Variants in RGS21 observed in about 807,000 individuals in gnomAD.
The protein encoded by RGS21 is regulator of G protein signaling 21, also known as regulator of G-protein signalling 21.
A neutral mutation model predicts 18.7 loss-of-function variants in RGS21; 19 were observed. That is an observed-to-expected ratio of 1.01 (90% CI 0.71 to 1.49). The LOEUF is 1.49. Ranked by LOEUF, RGS21 falls within the 40% of genes most tolerant of loss-of-function variation. The pLI is 0.00. For missense variants in RGS21, 194 were observed against 176.8 expected (o/e 1.10, Z -0.55); for synonymous variants, 56 against 57.8 (o/e 0.97, Z 0.14).
chr1:192,330,753 G>A (rs1206751196), intron 1 of RGS21, among the ~76,000 whole-genome samples: 1 of 152,230 alleles, frequency 6.6e-6, no homozygotes, highest in African/African-American at 2.4e-5. Context: ...ATATCTAAAT[G>A]AGACCTGACA....
chr1:192,332,935 A>G (rs1367292830), intron 1 of RGS21, among the ~76,000 whole-genome samples: 1 of 152,064 alleles, frequency 6.6e-6, no homozygotes, highest in East Asian at 1.9e-4. Flanking sequence ...AAAAGTCTCA[A>G]AAAAATTTTT....
rs1045740719 is a variant in RGS21, at chr1:192,352,290, C to T, written c.255+77C>T. ...CCCAATTAGAAGACCTTAAATCCAT[C>T]TAAAAGATAATCAAATTCTCAGTAT... On this transcript the variant is annotated intron_variant, in intron 4 of 4. Transcript: ENST00000417209. 4.0e-6 allele frequency: 4 copies of T among 1,002,860 alleles called. No homozygotes were observed. In the South Asian group the frequency reaches 9.8e-5, roughly 25 times the overall value. 62.1% of individuals were successfully genotyped at this position (1,002,860 alleles called of 1,614,324 possible).
At chr1:192,331,534 A>C (rs1193970056) in intron 1 of RGS21, among the ~76,000 whole-genome samples, 1 of 145,750 alleles carries the variant, frequency 6.9e-6, no homozygotes, top group African/African-American at 2.6e-5. Flanking sequence ...TGACAGAGCA[A>C]GACTCCGTCT....
intron 1 of RGS21, among the ~76,000 whole-genome samples, chr1:192,330,699 A>G (rs1210140697): frequency 6.6e-6 from 1 of 152,216 alleles, no homozygotes; most frequent in Non-Finnish European, 1.5e-5. Flanking sequence ...GCATGGACAA[A>G]CGGAATGTTG....
At chr1:192,318,433 T>C (rs927567901) in intron 1 of RGS21, among the ~76,000 whole-genome samples, 2 of 152,112 alleles carry the variant, frequency 1.3e-5, no homozygotes, top group Admixed American at 6.6e-5. Context: ...TCCTTGGGGC[T>C]AGACTCTATC....
At chr1:192,321,904 A>G (rs1013290897) in intron 1 of RGS21, among the ~76,000 whole-genome samples, 2 of 152,094 alleles carry the variant, frequency 1.3e-5, no homozygotes, top group Non-Finnish European at 2.9e-5. Flanking sequence ...AAAAACACAA[A>G]CACACACCCA....
At chr1:192,343,304 T>G (rs564076349) in intron 2 of RGS21, among the ~76,000 whole-genome samples, 31 of 151,664 alleles carry the variant, frequency 2.0e-4, no homozygotes, top group Admixed American at 5.9e-4. Flanking sequence ...GAACTTTATG[T>G]TTTTTTTAAA....
chr1:192,342,334 A>G (rs1165040412), intron 1 of RGS21, among the ~76,000 whole-genome samples: 2 of 152,110 alleles, frequency 1.3e-5, no homozygotes, highest in South Asian at 2.1e-4. Flanking sequence ...TTTGATAAAT[A>G]TATTAGCCTT....
chr1:192,317,378 G>A (rs1246159021), intron 1 of RGS21, among the ~76,000 whole-genome samples: 12 of 151,640 alleles, frequency 7.9e-5, no homozygotes, highest in South Asian at 4.1e-4. Flanking sequence ...CAGACTCCAC[G>A]GGAGGGGAGA....
chr1:192,322,015 T>TA (rs2102220869), intron 1 of RGS21, among the ~76,000 whole-genome samples: 1 of 152,262 alleles, frequency 6.6e-6, no homozygotes, highest in South Asian at 2.1e-4. Flanking sequence ...ATAATATCTT[T>TA]TAAACACACA....
Position 192,355,284 on chromosome 1 carries a change from C to G in RGS21, c.255+3071C>G, listed in dbSNP as rs554678627. Among the ~76,000 whole-genome samples the G allele has an allele frequency of 7.2e-5, 11 of 151,768 alleles. No individual in the cohort carries two copies. The East Asian group carries it at 2.1e-3, about 29-fold the overall frequency. Reference sequence around the variant, plus strand: ...TAGTGTGTCTAGGGTTTACATCATGCAGAACGGTTTTTAAGGAATGGTAAT... The same window carrying G: ...TAGTGTGTCTAGGGTTTACATCATGGAGAACGGTTTTTAAGGAATGGTAAT... On this transcript the variant is annotated intron_variant, in intron 4 of 4. Transcript: ENST00000417209.
intron 1 of RGS21, among the ~76,000 whole-genome samples, chr1:192,328,758 G>T (rs926666103): frequency 2.6e-5 from 4 of 152,020 alleles, no homozygotes; most frequent in African/African-American, 9.7e-5. Flanking sequence ...TGTACACTAG[G>T]ATGTTCGTCA....
chr1:192,326,858 A>G (rs972854102), intron 1 of RGS21, among the ~76,000 whole-genome samples: 18 of 152,194 alleles, frequency 1.2e-4, no homozygotes, highest in Non-Finnish European at 2.6e-4. Context: ...AAGAATGCCA[A>G]TAAATTAATG....
chr1:192,340,851 A>T (rs140701678), intron 1 of RGS21, among the ~76,000 whole-genome samples: 1 of 152,056 alleles, frequency 6.6e-6, no homozygotes, highest in East Asian at 1.9e-4. Flanking sequence ...AGACTTATTC[A>T]CTACTACAAG....
At chr1:192,359,594 C>G (rs572591329) in intron 4 of RGS21, among the ~76,000 whole-genome samples, 1 of 148,678 alleles carries the variant, frequency 6.7e-6, no homozygotes, top group East Asian at 2.0e-4. Context: ...AGGAGTGACT[C>G]TATTAAAGGA....
chr1:192,357,987 C>A (rs1413977655), intron 4 of RGS21, among the ~76,000 whole-genome samples: 1 of 152,008 alleles, frequency 6.6e-6, no homozygotes, highest in Non-Finnish European at 1.5e-5. Context: ...TGTCTCTGTG[C>A]CACTTAAAAT....
intron 1 of RGS21, among the ~76,000 whole-genome samples, chr1:192,339,002 G>T (rs1658812007): frequency 6.6e-6 from 1 of 152,018 alleles, no homozygotes; most frequent in East Asian, 1.9e-4. Flanking sequence ...GCCTCTTTGA[G>T]TCTTAGTTTC....
At chr1:192,324,154 C>G (rs971737148) in intron 1 of RGS21, among the ~76,000 whole-genome samples, 1 of 134,864 alleles carries the variant, frequency 7.4e-6, no homozygotes, top group Admixed American at 7.1e-5. Flanking sequence ...TTCATAAAAA[C>G]AGCATAAAGA....
At chr1:192,340,313 TA>T (rs994294330) in intron 1 of RGS21, among the ~76,000 whole-genome samples, 4 of 152,152 alleles carry the variant, frequency 2.6e-5, no homozygotes, top group African/African-American at 9.6e-5. Flanking sequence ...TAAACCTATG[TA>T]AGATGTGTTG....
Sources: allele counts gnomAD v4.1 joint callset (sites outside exome capture counted in the v4.1 genomes callset), GRCh38; gene constraint gnomAD v4.1.1; transcripts MANE v1.5; gene names NCBI Gene and HGNC (gene_info 2026-07-23, HGNC 2026-07-21).